Variants in PRKG1 observed in about 807,000 individuals in gnomAD.
The protein encoded by PRKG1 is cGMP-dependent protein kinase 1.
Under a neutral mutation model 88.1 loss-of-function variants are expected in PRKG1, and 35 were observed. The observed-to-expected ratio is 0.40, with a 90% CI of 0.30 to 0.53. PRKG1 has a LOEUF of 0.53. PRKG1 is among the 20% of genes least tolerant of loss of function. The pLI is 0.59. For synonymous variants in PRKG1, 303 were observed against 292.5 expected, an observed-to-expected ratio of 1.04 and a Z score of -0.37; for missense variants, 540 against 839.8, an observed-to-expected ratio of 0.64 and a Z score of 4.41.
intron 3 of PRKG1, among the ~76,000 whole-genome samples, chr10:51,776,762 C>T (rs1208024150): frequency 6.6e-6 from 1 of 152,034 alleles, no homozygotes; most frequent in Non-Finnish European, 1.5e-5. Context: ...GAGGTGCAGG[C>T]TGCAGTGAGC....
At position 51,453,592 on chromosome 10, in the gene PRKG1, T is replaced by G. The variant is rs76642630; in HGVS notation, c.479-14131T>G. 3.6e-3 allele frequency among the ~76,000 whole-genome samples: 545 copies of G among 152,200 alleles called. 2 individuals are homozygous for G. The highest frequency in any genetic ancestry group is 0.012 in the African/African-American group (504 of 41,568). On this transcript the variant is annotated intron_variant, in intron 2 of 17. Transcript: ENST00000373980. The stretch of plus-strand genomic sequence containing the variant: ...ACCCAAAGACCATTTAAAATCAGAT[T>G]AATTTCCATGTATTTGTATAGTTTT...
chr10:51,510,363 A>G, intron 3 of PRKG1, among the ~76,000 whole-genome samples: 1 of 152,186 alleles, frequency 6.6e-6, no homozygotes, highest in South Asian at 2.1e-4. Context: ...CTACTCTCTT[A>G]GCAAATTTCA....
At chr10:51,557,041 A>G (rs1006910509) in intron 3 of PRKG1, among the ~76,000 whole-genome samples, 3 of 151,836 alleles carry the variant, frequency 2.0e-5, no homozygotes, top group Admixed American at 2.0e-4. Context: ...CCTTGATCAG[A>G]TGATACCACC....
At chr10:51,880,021 C>T (rs1841397273) in intron 4 of PRKG1, among the ~76,000 whole-genome samples, 1 of 152,210 alleles carries the variant, frequency 6.6e-6, no homozygotes. Context: ...ACAGTACCAG[C>T]CTGCACATCC....
At chr10:51,270,127 G>T (rs1839940645) in intron 2 of PRKG1, among the ~76,000 whole-genome samples, 1 of 151,914 alleles carries the variant, frequency 6.6e-6, no homozygotes, top group African/African-American at 2.4e-5. Flanking sequence ...GATAGCTTAT[G>T]CTTGTAGAAG....
At chr10:51,116,759 G>A (rs1231495539) in intron 1 of PRKG1, among the ~76,000 whole-genome samples, 2 of 152,122 alleles carry the variant, frequency 1.3e-5, no homozygotes, top group African/African-American at 4.8e-5. Flanking sequence ...GGGAGAGAGG[G>A]TGGAAGGCTG....
intron 3 of PRKG1, among the ~76,000 whole-genome samples, chr10:51,627,990 TTCTCTCTCTCTCTCTCTC>T (rs1304960390): frequency 8.3e-5 from 3 of 36,204 alleles, no homozygotes; most frequent in South Asian, 3.4e-3. Flanking sequence ...CTTTCTTTCT[TTCTCTCTCTCTCTCTCTC>T]TCTTTCTTTC....
chr10:52,200,383 C>T (rs1839633479), intron 9 of PRKG1, among the ~76,000 whole-genome samples: 1 of 152,152 alleles, frequency 6.6e-6, no homozygotes, highest in Non-Finnish European at 1.5e-5. Flanking sequence ...TTGCAAAGGA[C>T]ATGATCTCAT....
intron 7 of PRKG1, among the ~76,000 whole-genome samples, chr10:52,119,858 G>T (rs1847774516): frequency 6.6e-6 from 1 of 152,076 alleles, no homozygotes; most frequent in Admixed American, 6.5e-5. Context: ...GTTATCCAAT[G>T]GCAGAAGGCA....
chr10:52,227,441 A>G (rs1054838763), intron 9 of PRKG1, among the ~76,000 whole-genome samples: 2 of 152,154 alleles, frequency 1.3e-5, no homozygotes, highest in African/African-American at 2.4e-5. Flanking sequence ...TCCCTAAACA[A>G]CGCAATGTAA....
At chr10:52,290,895 CT>C in intron 17 of PRKG1, among the ~76,000 whole-genome samples, 1 of 145,854 alleles carries the variant, frequency 6.9e-6, no homozygotes, top group Non-Finnish European at 1.5e-5. Flanking sequence ...TTCAAAGAGT[CT>C]TTACATGATC....
intron 6 of PRKG1, 50 bp downstream of exon 6, chr10:52,054,611 G>T: frequency 6.6e-7 from 1 of 1,511,164 alleles, no homozygotes; most frequent in Admixed American, 1.7e-5. Flanking sequence ...GCCTGGGGTT[G>T]GTTAGTAACT....
chr10:51,007,311 C>T (rs1020278218), intron 1 of PRKG1, among the ~76,000 whole-genome samples: 2 of 152,146 alleles, frequency 1.3e-5, no homozygotes, highest in African/African-American at 2.4e-5. Context: ...TCCTGAAGAC[C>T]ATTAAATAGC....
chr10:51,114,475 A>G (rs750777175), intron 1 of PRKG1, among the ~76,000 whole-genome samples: 2 of 151,248 alleles, frequency 1.3e-5, no homozygotes, highest in Non-Finnish European at 2.9e-5. Context: ...GCCTATGTTT[A>G]GAGGACAAAG....
In PRKG1 at chr10:51,498,277, G is replaced by A. The variant is rs987193663; in HGVS notation, c.592+30441G>A. ...TTGTATGTGGAATTTGAGAAAATAC[G>A]GAAATACTTAGTCTTGGCTTTTAGA... On this transcript the variant is annotated intron_variant, in intron 3 of 17. Coordinates refer to ENST00000373980, the MANE Select transcript of PRKG1 (RefSeq NM_006258.4). Among the ~76,000 whole-genome samples, 31 of 152,120 alleles carry A rather than the reference G, an allele frequency of 2.0e-4. 1 individual carries two copies. The highest frequency in any genetic ancestry group is 1.8e-3 in the Admixed American group (27 of 15,264).
At chr10:52,089,438 A>G (rs1308746737) in intron 7 of PRKG1, among the ~76,000 whole-genome samples, 2 of 152,230 alleles carry the variant, frequency 1.3e-5, no homozygotes, top group Non-Finnish European at 2.9e-5. Context: ...TAATTTGGTC[A>G]TTAAGATGTA....
chr10:51,734,926 G>A (rs1589243129), intron 3 of PRKG1, among the ~76,000 whole-genome samples: 1 of 152,194 alleles, frequency 6.6e-6, no homozygotes, highest in African/African-American at 2.4e-5. Context: ...TGTGTTATAT[G>A]CTCAGGGGTT....
chr10:51,880,258 TAA>T (rs11337704), intron 4 of PRKG1, among the ~76,000 whole-genome samples: 44 of 149,242 alleles, frequency 2.9e-4, no homozygotes, highest in African/African-American at 3.9e-4. Context: ...AGAACTGAGC[TAA>T]AAAAAAAAAA....
At chr10:52,227,581 C>A (rs1314173758) in intron 9 of PRKG1, among the ~76,000 whole-genome samples, 1 of 152,028 alleles carries the variant, frequency 6.6e-6, no homozygotes, top group Non-Finnish European at 1.5e-5. Context: ...ATATCAGGGA[C>A]TTGAGGATCT....
Sources: gnomAD v4.1 joint callset for allele counts (sites outside exome capture counted in the v4.1 genomes callset) on GRCh38, gnomAD v4.1.1 for gene constraint, MANE v1.5 for transcripts, NCBI Gene and HGNC (gene_info 2026-07-23, HGNC 2026-07-21) for gene names.